The following MYO5B variants were observed in gnomAD, a reference collection of about 807,000 sequenced individuals.
MYO5B encodes myosin VB, also known as unconventional myosin-Vb.
Under a neutral mutation model 229.3 loss-of-function variants are expected in MYO5B, and 143 were observed. That is an observed-to-expected ratio of 0.62 (90% CI 0.54 to 0.72). MYO5B has a LOEUF of 0.72. Ranked by LOEUF, MYO5B falls within the 30% of genes least tolerant of loss-of-function variation. The pLI is 0.00. For missense variants in MYO5B, 2,321 were observed against 2,331.0 expected, an observed-to-expected ratio of 1.00 and a Z score of 0.09; for synonymous variants, 918 against 885.2, an observed-to-expected ratio of 1.04 and a Z score of -0.66.
At chr18:50,181,890 C>G (rs1406613188) in intron 1 of MYO5B, among the ~76,000 whole-genome samples, 2 of 152,176 alleles carry the variant, frequency 1.3e-5, no homozygotes, top group Non-Finnish European at 2.9e-5. Flanking sequence ...AATATTATCC[C>G]TCATTACGGA....
intron 2 of MYO5B, among the ~76,000 whole-genome samples, chr18:50,049,311 C>T (rs1191527138): frequency 1.3e-5 from 2 of 152,082 alleles, no homozygotes; most frequent in South Asian, 2.1e-4. Flanking sequence ...GATAAATCAA[C>T]AGTGATGCAA....
chr18:49,942,794 G>A (rs1293385379), intron 14 of MYO5B, among the ~76,000 whole-genome samples: 1 of 152,132 alleles, frequency 6.6e-6, no homozygotes. Flanking sequence ...AACCATTGTG[G>A]AAGTTGGTGT....
intron 7 of MYO5B, among the ~76,000 whole-genome samples, chr18:49,988,607 G>A (rs551499961): frequency 6.6e-6 from 1 of 152,154 alleles, no homozygotes; most frequent in Non-Finnish European, 1.5e-5. Flanking sequence ...ATCCAGATGG[G>A]TCTTGCCAAT....
chr18:49,839,687 T>C (rs985943987), intron 35 of MYO5B, among the ~76,000 whole-genome samples: 11 of 152,106 alleles, frequency 7.2e-5, no homozygotes, highest in Non-Finnish European at 1.5e-5. Flanking sequence ...TCTAAAGGAG[T>C]GTGGCCATGG....
intron 1 of MYO5B, among the ~76,000 whole-genome samples, chr18:50,106,599 C>A (rs56793364): frequency 0.13 from 20,336 of 152,240 alleles, 1,427 homozygotes; most frequent in East Asian, 0.23. Flanking sequence ...CTCGCCCACC[C>A]TATTTCTCAT....
rs759647171 is a variant in MYO5B, at chr18:49,843,280, C to T, written c.4572G>A (p.Leu1524=). 3.7e-6 allele frequency: 6 copies of T among 1,614,194 alleles called. No homozygotes were observed. The highest frequency in any genetic ancestry group is 4.2e-6 in the Non-Finnish European group (5 of 1,180,040). The part of the protein sequence containing the change: ...YTNDDLKVHS[L]LTSTINGIKK... ...TAATGCCGTTGATGGTGGAGGTCAGCAGGGAGTGCACCTTGAGATCGTCGT... is the reference window on the plus strand; with the variant it reads ...TAATGCCGTTGATGGTGGAGGTCAGTAGGGAGTGCACCTTGAGATCGTCGT... Residue 1524 remains leucine, a synonymous_variant, in exon 34 of 40, where the codon CTG becomes CTA. Coordinates refer to ENST00000285039, the MANE Select transcript of MYO5B (RefSeq NM_001080467.3).
At chr18:49,989,620 G>C (rs984916213) in intron 7 of MYO5B, among the ~76,000 whole-genome samples, 2 of 152,160 alleles carry the variant, frequency 1.3e-5, no homozygotes, top group Non-Finnish European at 2.9e-5. Flanking sequence ...AGGGCCAAAG[G>C]CTCCAGACCC....
chr18:49,963,929 G>A (rs1055875223), intron 10 of MYO5B, among the ~76,000 whole-genome samples: 8 of 152,190 alleles, frequency 5.3e-5, no homozygotes, highest in African/African-American at 1.2e-4. Flanking sequence ...CCCCAGAGGG[G>A]TGTGTTCCAT....
intron 1 of MYO5B, among the ~76,000 whole-genome samples, chr18:50,081,154 C>T (rs906530892): frequency 1.3e-5 from 2 of 152,230 alleles, no homozygotes; most frequent in East Asian, 1.9e-4. Flanking sequence ...TTCACCTCTC[C>T]TAAGGTTGAC....
chr18:49,956,060 T>G (rs1303887951), intron 12 of MYO5B, among the ~76,000 whole-genome samples: 1 of 152,218 alleles, frequency 6.6e-6, no homozygotes, highest in Non-Finnish European at 1.5e-5. Context: ...CAGATTGGCA[T>G]GAATTAATAA....
chr18:50,182,902 C>G (rs2033093064), intron 1 of MYO5B, among the ~76,000 whole-genome samples: 1 of 152,106 alleles, frequency 6.6e-6, no homozygotes, highest in Non-Finnish European at 1.5e-5. Context: ...GTTCCTACAG[C>G]ATGCAAAACC....
chr18:49,843,092 T>A (rs1366986544), intron 34 of MYO5B, 149 bp downstream of exon 34: 23 of 1,021,206 alleles, frequency 2.3e-5, no homozygotes, highest in Non-Finnish European at 3.4e-5. Context: ...GCATCCTGGT[T>A]ATATGGATGC....
intron 27 of MYO5B, among the ~76,000 whole-genome samples, chr18:49,865,046 G>T (rs2024380427): frequency 6.6e-6 from 1 of 152,192 alleles, no homozygotes; most frequent in Non-Finnish European, 1.5e-5. Context: ...TGTTTGAGAT[G>T]AAGTCTGATG....
rs1331419130 is a variant in MYO5B, at chr18:50,001,404, T to C, written c.463A>G (p.Lys155Glu). 2 of 1,614,132 alleles carry C rather than the reference T, an allele frequency of 1.2e-6. No individual in the cohort carries two copies. Among genetic ancestry groups the C allele is most frequent in the Non-Finnish European group, 1.7e-6 (2 of 1,179,998 alleles). ...EAYKQMARDE[K>E]NQSIIVSGES... ...CCACTGACTATGATGGACTGATTCT[T>C]CTCATCTCTGGAAGGAAAAAAGCTC... is the stretch of plus-strand genomic sequence containing the variant. Residue 155 changes from lysine to glutamate, a missense_variant, in exon 5 of 40, where the codon AAG becomes GAG. By Grantham distance (56) the Lys-to-Glu change is moderately conservative. This residue lies in a region of MYO5B where 2,113 missense variants were observed against 2,044.7 expected (regional missense o/e 1.03). Coordinates refer to ENST00000285039, the MANE Select transcript of MYO5B (RefSeq NM_001080467.3).
intron 32 of MYO5B, 78 bp downstream of exon 32, chr18:49,849,489 C>A (rs1030330654): frequency 1.0e-4 from 102 of 994,314 alleles, no homozygotes; most frequent in Non-Finnish European, 1.4e-4. Context: ...GTGCAGAGGG[C>A]AGGCAGACAG....
rs567790015 is a variant in MYO5B at position 49,991,942 on chromosome 18, T to C, written c.756+346A>G. Among the ~76,000 whole-genome samples, 15 of 152,274 alleles carry C rather than the reference T, an allele frequency of 9.9e-5. No individual in the cohort carries two copies. In the South Asian group the frequency reaches 3.1e-3, roughly 32 times the overall value. ...TTCTCAGGAAACCTAAAACCCAGAC[T>C]CCGTATTTATGACATTCCCCTGATA... On this transcript the variant is annotated intron_variant, in intron 6 of 39. Transcript: ENST00000285039.
intron 12 of MYO5B, among the ~76,000 whole-genome samples, chr18:49,957,707 C>T (rs1228071922): frequency 1.3e-5 from 2 of 151,602 alleles, no homozygotes; most frequent in African/African-American, 2.4e-5. Flanking sequence ...AACCAGACCC[C>T]AAGGCCAGTT....
intron 11 of MYO5B, among the ~76,000 whole-genome samples, chr18:49,962,642 A>T (rs112138299): frequency 3.9e-5 from 6 of 152,280 alleles, no homozygotes; most frequent in South Asian, 2.1e-4. Context: ...CCGTATTCCC[A>T]TTCAATCACA....
At chr18:50,176,380 G>C (rs1004377181) in intron 1 of MYO5B, among the ~76,000 whole-genome samples, 2 of 152,128 alleles carry the variant, frequency 1.3e-5, no homozygotes, top group African/African-American at 4.8e-5. Context: ...TCACACAACT[G>C]AAGTTATTTT....
Sources: gnomAD v4.1 joint callset for allele counts (sites outside exome capture counted in the v4.1 genomes callset) on GRCh38, gnomAD v4.1.1 for gene constraint, gnomAD v4.1.1 regional missense constraint, MANE v1.5 for transcripts, NCBI Gene and HGNC (gene_info 2026-07-23, HGNC 2026-07-21) for gene names.